The following ZGRF1 variants were observed in gnomAD, a reference collection of about 807,000 sequenced individuals.
ZGRF1 encodes zinc finger GRF-type containing 1.
A neutral mutation model predicts 203.5 loss-of-function variants in ZGRF1; 196 were observed. The observed-to-expected ratio is 0.96, with a 90% CI of 0.86 to 1.08. The LOEUF (loss-of-function observed/expected upper bound fraction) is 1.08. Ranked by LOEUF, ZGRF1 falls within the 50% of genes least tolerant of loss-of-function variation. ZGRF1 has a pLI of 0.00. For synonymous variants in ZGRF1, 809 were observed against 841.3 expected, an observed-to-expected ratio of 0.96 and a Z score of 0.66; for missense variants, 2,326 against 2,416.3, an observed-to-expected ratio of 0.96 and a Z score of 0.78.
chr4:112,617,092 T>TA (rs1164104211), intron 6 of ZGRF1, among the ~76,000 whole-genome samples: 3 of 151,696 alleles, frequency 2.0e-5, no homozygotes, highest in South Asian at 2.1e-4. Flanking sequence ...GTCTCCAAAA[T>TA]AAAAAAAAGA....
intron 24 of ZGRF1, 65 bp from the exon 25 acceptor site, chr4:112,541,333 TATTTTTAAAATTAAAA>T: frequency 1.2e-6 from 1 of 865,840 alleles, no homozygotes; most frequent in Admixed American, 2.9e-5. Context: ...AAGAAAATTA[TATTTTTAAAATTAAAA>T]ATATCGCTAT....
intron 22 of ZGRF1, among the ~76,000 whole-genome samples, chr4:112,552,072 G>C (rs376019406): frequency 6.6e-6 from 1 of 152,108 alleles, no homozygotes; most frequent in Non-Finnish European, 1.5e-5. Context: ...AAGGTCAGGA[G>C]TTTGAGACCA....
intron 20 of ZGRF1, among the ~76,000 whole-genome samples, chr4:112,556,067 TA>T (rs548295215): frequency 4.0e-5 from 6 of 148,766 alleles, no homozygotes; most frequent in African/African-American, 4.9e-5. Context: ...GTCTTTAATT[TA>T]AAAAAAAAAC....
chr4:112,604,708 G>A (rs1750513496), intron 9 of ZGRF1, among the ~76,000 whole-genome samples: 1 of 152,208 alleles, frequency 6.6e-6, no homozygotes. Context: ...GCCTAAGAGT[G>A]TGATTCCAAT....
At chr4:112,600,059 T>C (rs1179850116) in intron 10 of ZGRF1, among the ~76,000 whole-genome samples, 1 of 152,114 alleles carries the variant, frequency 6.6e-6, no homozygotes, top group African/African-American at 2.4e-5. Flanking sequence ...TTTTCTTTGA[T>C]ACAGGATCTC....
At chr4:112,552,083 G>C (rs1455011998) in intron 22 of ZGRF1, among the ~76,000 whole-genome samples, 1 of 152,062 alleles carries the variant, frequency 6.6e-6, no homozygotes, top group Non-Finnish European at 1.5e-5. Flanking sequence ...TTTGAGACCA[G>C]CCTGGCCAAC....
At position 112,617,526 on chromosome 4, in the gene ZGRF1, A is replaced by C; in HGVS notation, c.2516T>G (p.Leu839Ter). Reference protein sequence around the residue: ...LKSLCEHSTALDSLEILKKKN... With the variant: ...LKSLCEHSTA ...CTTTTTCAATATTTCCAAGCTGTCTAAAGCAGTACTGTGTTCACATAGCGA... is the reference window on the plus strand; with the variant it reads ...CTTTTTCAATATTTCCAAGCTGTCTCAAGCAGTACTGTGTTCACATAGCGA... The change falls in exon 6 of 28, where the codon TTA becomes TGA. Residue 839 changes from leucine to a stop codon, truncating the protein, a stop_gained. Coordinates refer to ENST00000505019, the MANE Select transcript of ZGRF1 (RefSeq NM_018392.5). LOFTEE classifies it high-confidence loss of function. 1 of 1,611,126 alleles carries C rather than the reference A, an allele frequency of 6.2e-7. No homozygotes were observed. The highest frequency in any genetic ancestry group is 1.1e-5 in the South Asian group (1 of 90,128).
chr4:112,554,671 C>T lies in ZGRF1; in HGVS notation c.5198+34G>A, dbSNP rs1230583102. The stretch of plus-strand genomic sequence containing the variant: ...ATAAAAGTACCATACTTCCCTCTGA[C>T]CATTCTGTGACTTCTGGAATTTTGC... On this transcript the variant is annotated intron_variant, in intron 21 of 27. Transcript: ENST00000505019. 2.8e-6 allele frequency: 3 copies of T among 1,072,234 alleles called. No homozygotes were observed. The South Asian group carries it at 4.1e-5, about 15-fold the overall frequency. 66.4% of individuals were successfully genotyped at this position (1,072,234 alleles called of 1,614,324 possible).
At chr4:112,553,628 T>A (rs1740370224) in intron 22 of ZGRF1, among the ~76,000 whole-genome samples, 1 of 152,378 alleles carries the variant, frequency 6.6e-6, no homozygotes, top group African/African-American at 2.4e-5. Context: ...TTGGATCTAT[T>A]CACGAATTTG....
chr4:112,561,164 C>T (rs529487288), intron 18 of ZGRF1, 169 bp from the exon 19 acceptor site: 11 of 603,576 alleles, frequency 1.8e-5, no homozygotes, highest in Middle Eastern at 4.5e-4. Context: ...ACTCCAATAT[C>T]GAGGAGGGTA....
chr4:112,557,408 C>G (rs1203756178), intron 20 of ZGRF1, among the ~76,000 whole-genome samples: 2 of 152,184 alleles, frequency 1.3e-5, no homozygotes, highest in Non-Finnish European at 2.9e-5. Flanking sequence ...CTTCTGACAT[C>G]AAGTGATCTG....
chr4:112,616,562 A>C (rs2046879508), intron 6 of ZGRF1, among the ~76,000 whole-genome samples: 1 of 145,288 alleles, frequency 6.9e-6, no homozygotes, highest in Non-Finnish European at 1.5e-5. Flanking sequence ...ATGGGCCAGG[A>C]GTGGTGGCTC....
At chr4:112,565,159 T>C in intron 16 of ZGRF1, 2 of 1,473,490 alleles carry the variant, frequency 1.4e-6, no homozygotes, top group Non-Finnish European at 1.9e-6. Flanking sequence ...TTATCAGAAG[T>C]CCACTGAACT....
intron 10 of ZGRF1, 30 bp downstream of exon 10, chr4:112,603,494 G>C: frequency 3.9e-6 from 6 of 1,543,288 alleles, no homozygotes; most frequent in Non-Finnish European, 5.3e-6. Context: ...AAAATGATTT[G>C]GCAAAATGCA....
At position 112,539,345 on chromosome 4, in the gene ZGRF1, G is replaced by GA. The variant is rs1737085156; in HGVS notation, c.*201dup. The GA allele has an allele frequency of 2.7e-6, 1 of 366,612 alleles. No individual in the cohort carries two copies. The highest frequency in any genetic ancestry group is 4.8e-5 in the East Asian group (1 of 20,730). The allele number at this position is 366,612 out of a possible 1,614,324, so 22.7% of individuals were successfully genotyped here. On this transcript the variant is annotated 3_prime_UTR_variant, in exon 28 of 28. Transcript: ENST00000505019. ...TGGCAAACAGAAATCATTCTTCTTA[G>GA]AAAAAAGCTTATTTTTATTAGTAGG...
At chr4:112,629,539 G>A (rs921138209) in intron 3 of ZGRF1, among the ~76,000 whole-genome samples, 1 of 151,666 alleles carries the variant, frequency 6.6e-6, no homozygotes, top group Admixed American at 6.6e-5. Context: ...GTGAGGTGGT[G>A]TGTGCCTGTG....
intron 15 of ZGRF1, 122 bp from the exon 16 acceptor site, chr4:112,581,924 A>G (rs968098454): frequency 1.0e-4 from 45 of 434,418 alleles, no homozygotes; most frequent in Non-Finnish European, 1.7e-4. Flanking sequence ...TCATACATGT[A>G]TACAAAATAT....
chr4:112,560,780 TCTTCAATG>T lies in ZGRF1; in HGVS notation c.4905_4912del (p.Ser1635ArgfsTer39). ...GGTATGAGTTTGCAGTTCCTTCACTTCTTCAATGCTTTCATGTGATGCCATCATTTGAG... is the reference window on the plus strand; with the variant it reads ...GGTATGAGTTTGCAGTTCCTTCACTTCTTTCATGTGATGCCATCATTTGAG... On this transcript the variant is annotated frameshift_variant, in exon 19 of 28. Coordinates refer to ENST00000505019, the MANE Select transcript of ZGRF1 (RefSeq NM_018392.5). LOFTEE classifies it high-confidence loss of function. The T allele has an allele frequency of 6.2e-7, 1 of 1,602,736 alleles. No homozygotes were observed. The highest frequency in any genetic ancestry group is 2.2e-5 in the East Asian group (1 of 44,524).
chr4:112,614,624 A>C (rs2046803118), intron 6 of ZGRF1, among the ~76,000 whole-genome samples: 1 of 152,220 alleles, frequency 6.6e-6, no homozygotes, highest in African/African-American at 2.4e-5. Flanking sequence ...AGGTCAGTTC[A>C]AACCAGCCTG....
Sources: allele counts gnomAD v4.1 joint callset (sites outside exome capture counted in the v4.1 genomes callset), GRCh38; gene constraint gnomAD v4.1.1; transcripts MANE v1.5; gene names NCBI Gene and HGNC (gene_info 2026-07-23, HGNC 2026-07-21).